Variants in SHISA9 observed in about 807,000 individuals in gnomAD.
SHISA9 encodes protein shisa-9.
SHISA9 carries 13 observed loss-of-function variants against 38.0 expected under a neutral mutation model. That is an observed-to-expected ratio of 0.34 (90% CI 0.22 to 0.54). The LOEUF is 0.54. Among genes scored for constraint, SHISA9 ranks in the 20% least tolerant of loss-of-function variants. SHISA9 has a pLI of 0.91. For missense variants in SHISA9, 538 were observed against 575.8 expected, an observed-to-expected ratio of 0.93 and a Z score of 0.67; for synonymous variants, 275 against 242.0, an observed-to-expected ratio of 1.14 and a Z score of -1.27.
rs565619163 is a variant in SHISA9 at position 13,088,376 on chromosome 16, C to A, written c.692-115018C>A. Among the ~76,000 whole-genome samples, 6 of 152,100 alleles carry A rather than the reference C, an allele frequency of 3.9e-5. No individual in the cohort carries two copies. The East Asian group carries it at 1.2e-3, about 29-fold the overall frequency. On this transcript the variant is annotated intron_variant, in intron 2 of 4. Transcript: ENST00000558583. ...AAAGTCATTGGTAGCTTGATGGGGA[C>A]GGCATTTAATCTATAAATTACCTTG...
chr16:13,555,005 C>A, the SHISA9 span, among the ~76,000 whole-genome samples: 1 of 152,168 alleles, frequency 6.6e-6, no homozygotes, highest in Non-Finnish European at 1.5e-5. Context: ...CAATAAATCC[C>A]TTTTGACGTT....
chr16:13,480,677 CT>C, the SHISA9 span, among the ~76,000 whole-genome samples: 1 of 152,202 alleles, frequency 6.6e-6, no homozygotes, highest in Non-Finnish European at 1.5e-5. Flanking sequence ...CCCTATCAGC[CT>C]CTCATCCAAG....
chr16:13,318,268 T>C, the SHISA9 span, among the ~76,000 whole-genome samples: 2 of 152,328 alleles, frequency 1.3e-5, no homozygotes, highest in East Asian at 3.9e-4. Flanking sequence ...TCTCTACTTC[T>C]AGATGCCAGT....
the SHISA9 span, among the ~76,000 whole-genome samples, chr16:13,445,179 T>C: frequency 1.3e-5 from 2 of 151,848 alleles, no homozygotes; most frequent in African/African-American, 2.4e-5. Flanking sequence ...GATTTCTTTT[T>C]CATCCTTTTG....
At chr16:13,478,872 G>A in the SHISA9 span, among the ~76,000 whole-genome samples, 13 of 152,132 alleles carry the variant, frequency 8.5e-5, 1 homozygote, top group Admixed American at 8.5e-4. Flanking sequence ...CCACCTGGGC[G>A]ATTCTGATCC....
At chr16:13,163,879 T>C (rs1449711738) in intron 2 of SHISA9, among the ~76,000 whole-genome samples, 2 of 152,080 alleles carry the variant, frequency 1.3e-5, no homozygotes, top group Non-Finnish European at 2.9e-5. Flanking sequence ...ATAGTTTTTT[T>C]TTAGATTCCA....
At chr16:12,987,380 G>A (rs778261851) in intron 2 of SHISA9, among the ~76,000 whole-genome samples, 18 of 152,216 alleles carry the variant, frequency 1.2e-4, no homozygotes, top group Non-Finnish European at 2.5e-4. Flanking sequence ...CAAAGAAAAT[G>A]TGATACATAT....
At chr16:12,953,086 A>G (rs1211613050) in intron 2 of SHISA9, among the ~76,000 whole-genome samples, 1 of 152,104 alleles carries the variant, frequency 6.6e-6, no homozygotes, top group Non-Finnish European at 1.5e-5. Flanking sequence ...AAAGGAATAG[A>G]AGGTGATGTG....
At chr16:13,366,233 C>T in the SHISA9 span, among the ~76,000 whole-genome samples, 4 of 152,154 alleles carry the variant, frequency 2.6e-5, no homozygotes, top group African/African-American at 7.2e-5. Flanking sequence ...GATTACTCAA[C>T]GGTTAATGCT....
chr16:13,316,443 G>A, the SHISA9 span, among the ~76,000 whole-genome samples: 24 of 152,100 alleles, frequency 1.6e-4, no homozygotes, highest in African/African-American at 5.8e-4. Flanking sequence ...GCACCTTCAG[G>A]TCAGACGCAA....
intron 2 of SHISA9, among the ~76,000 whole-genome samples, chr16:12,970,346 T>TATATAC: frequency 1.5e-5 from 1 of 67,860 alleles, no homozygotes; most frequent in African/African-American, 6.3e-5. Context: ...TATATATACA[T>TATATAC]ATATGTGTAT....
chr16:12,911,942 T>C (rs2071189393), intron 1 of SHISA9, among the ~76,000 whole-genome samples: 1 of 152,266 alleles, frequency 6.6e-6, no homozygotes, highest in African/African-American at 2.4e-5. Flanking sequence ...CAATTACTTT[T>C]ACCCCAAGCT....
chr16:13,229,549 A>AT (rs1407711474), intron 4 of SHISA9, among the ~76,000 whole-genome samples: 6 of 152,302 alleles, frequency 3.9e-5, no homozygotes, highest in Non-Finnish European at 8.8e-5. Context: ...GACTTAGAAA[A>AT]TATATGTCTG....
chr16:13,295,701 G>A, the SHISA9 span, among the ~76,000 whole-genome samples: 1 of 152,202 alleles, frequency 6.6e-6, no homozygotes, highest in Non-Finnish European at 1.5e-5. Context: ...ATTTAATAAT[G>A]TTGTGGAAAA....
chr16:12,951,120 C>T (rs2071749256), intron 2 of SHISA9, among the ~76,000 whole-genome samples: 1 of 142,932 alleles, frequency 7.0e-6, no homozygotes, highest in Non-Finnish European at 1.5e-5. Flanking sequence ...ACTTGGGAGA[C>T]TGAGGCAGGA....
the SHISA9 span, among the ~76,000 whole-genome samples, chr16:13,557,843 C>G: frequency 2.6e-5 from 4 of 152,120 alleles, no homozygotes; most frequent in African/African-American, 4.8e-5. Flanking sequence ...TGGCTCACTC[C>G]TCTCCAGCCA....
chr16:12,978,212 C>A (rs1307982943), intron 2 of SHISA9, among the ~76,000 whole-genome samples: 2 of 152,118 alleles, frequency 1.3e-5, no homozygotes, highest in African/African-American at 2.4e-5. Flanking sequence ...CATCATCTAC[C>A]AAAATGGCAC....
At chr16:13,194,270 G>A (rs932653915) in intron 2 of SHISA9, among the ~76,000 whole-genome samples, 37 of 152,118 alleles carry the variant, frequency 2.4e-4, no homozygotes, top group Admixed American at 9.2e-4. Context: ...CCAAATGTGC[G>A]TGACTTCACA....
chr16:12,975,001 A>T (rs1437891112), intron 2 of SHISA9, among the ~76,000 whole-genome samples: 1 of 152,172 alleles, frequency 6.6e-6, no homozygotes, highest in East Asian at 1.9e-4. Flanking sequence ...TTGTTAACCT[A>T]CATGCACAAT....
Sources: gnomAD v4.1 joint callset for allele counts (sites outside exome capture counted in the v4.1 genomes callset) on GRCh38, gnomAD v4.1.1 for gene constraint, MANE v1.5 for transcripts, NCBI Gene and HGNC (gene_info 2026-07-23, HGNC 2026-07-21) for gene names.